SEMA6A: variants seen among roughly 807,000 people sequenced by gnomAD.
SEMA6A encodes the protein semaphorin 6A.
SEMA6A carries 25 observed loss-of-function variants against 96.8 expected under a neutral mutation model. That is an observed-to-expected ratio of 0.26 (90% CI 0.19 to 0.36). SEMA6A has a LOEUF of 0.36. Among genes scored for constraint, SEMA6A ranks in the 10% least tolerant of loss-of-function variants. The pLI is 1.00. For synonymous variants in SEMA6A, 612 were observed against 518.0 expected (o/e 1.18, Z -2.46); for missense variants, 1,363 against 1,323.1 (o/e 1.03, Z -0.47).
chr5:116,449,147 G>A (rs1968362), intron 18 of SEMA6A, among the ~76,000 whole-genome samples: 71,424 of 152,036 alleles, frequency 0.47, 18,072 homozygotes, highest in African/African-American at 0.66. Flanking sequence ...ACACATCACA[G>A]TTGTCAGATC....
At position 116,462,705 on chromosome 5, in the gene SEMA6A, G is replaced by A. The variant is rs75656233; in HGVS notation, c.1894+4878C>T. On this transcript the variant is annotated intron_variant, in intron 18 of 18. Coordinates refer to ENST00000343348, the MANE Select transcript of SEMA6A (RefSeq NM_020796.5). Reference sequence around the variant, plus strand: ...CTTGGTTTTGCAAGCCCAGCCAGGAGAGGGTATAGTGGTCATCAAACCTCA... The same window carrying A: ...CTTGGTTTTGCAAGCCCAGCCAGGAAAGGGTATAGTGGTCATCAAACCTCA... Among the ~76,000 whole-genome samples the A allele has an allele frequency of 2.0e-3, 306 of 152,292 alleles. 1 individual carries two copies. The highest frequency in any genetic ancestry group is 6.4e-3 in the African/African-American group (266 of 41,566).
At chr5:116,534,937 A>G (rs1343031702) in intron 1 of SEMA6A, among the ~76,000 whole-genome samples, 1 of 152,264 alleles carries the variant, frequency 6.6e-6, no homozygotes, top group Non-Finnish European at 1.5e-5. Context: ...AGAAATTCAA[A>G]TTTTAGGTTT....
chr5:116,556,565 T>G (rs963740745), intron 1 of SEMA6A, among the ~76,000 whole-genome samples: 3 of 152,196 alleles, frequency 2.0e-5, no homozygotes, highest in Non-Finnish European at 4.4e-5. Flanking sequence ...TTACAGATGA[T>G]GAATATGAGG....
chr5:116,558,883 T>C (rs254209), intron 1 of SEMA6A, among the ~76,000 whole-genome samples: 100,951 of 152,160 alleles, frequency 0.66, 35,119 homozygotes, highest in East Asian at 0.86. Context: ...CATATAAATA[T>C]GCCCAACATT....
intron 1 of SEMA6A, among the ~76,000 whole-genome samples, chr5:116,549,378 T>C (rs900961188): frequency 4.6e-5 from 7 of 152,148 alleles, no homozygotes; most frequent in Admixed American, 3.3e-4. Flanking sequence ...TTGATCATGC[T>C]TATCTCCTGG....
chr5:116,559,667 C>G (rs1323909000), intron 1 of SEMA6A, among the ~76,000 whole-genome samples: 2 of 152,136 alleles, frequency 1.3e-5, no homozygotes, highest in African/African-American at 4.8e-5. Context: ...CGGTTTATGA[C>G]AGCAGTTAAT....
intron 17 of SEMA6A, chr5:116,469,206 C>T (rs1049125004): frequency 6.6e-6 from 1 of 152,160 alleles, no homozygotes; most frequent in Admixed American, 6.5e-5. Context: ...TTGGCTCTCA[C>T]ACAAGTGGGA....
In SEMA6A at chr5:116,447,210, C is replaced by T; in HGVS notation, c.2496G>A (p.Gln832=). 2 of 1,614,044 alleles carry T rather than the reference C, an allele frequency of 1.2e-6. No homozygotes were observed. Among genetic ancestry groups the T allele is most frequent in the African/African-American group, 2.7e-5 (2 of 75,070 alleles). Residue 832 remains glutamine, a synonymous_variant, in exon 19 of 19, where the codon CAG becomes CAA. Coordinates refer to ENST00000343348, the MANE Select transcript of SEMA6A (RefSeq NM_020796.5). ...TCTGGGCCACCTCGCTCATTTTGGG[C>T]TGGTCCACGTACTCATGCTGGTAGC... ...QQGYQHEYVD[Q]PKMSEVAQMA...
chr5:116,495,266 A>T, intron 6 of SEMA6A, 147 bp downstream of exon 6: 1 of 666,066 alleles, frequency 1.5e-6, no homozygotes, highest in East Asian at 2.7e-5. Flanking sequence ...GCTTAGGATC[A>T]CTCATGTGGA....
At chr5:116,448,755 CAAAAAAAA>C (rs3984966) in intron 18 of SEMA6A, among the ~76,000 whole-genome samples, 4 of 106,544 alleles carry the variant, frequency 3.8e-5, no homozygotes, top group Admixed American at 1.0e-4. Flanking sequence ...CATCACCTCT[CAAAAAAAA>C]AAAAAAAAAA....
intron 18 of SEMA6A, among the ~76,000 whole-genome samples, chr5:116,465,662 G>C (rs1219220704): frequency 6.6e-6 from 1 of 152,180 alleles, no homozygotes; most frequent in South Asian, 2.1e-4. Flanking sequence ...ATGTGTCAAA[G>C]TGTTAAATGG....
rs546416713 is a variant in SEMA6A, at chr5:116,463,966, T to A, written c.1894+3617A>T. ...ACATACCTCATAGACTTCTTGGAAA[T>A]CAGCTTTAAAGTATTGTTACTTTTG... On this transcript the variant is annotated intron_variant, in intron 18 of 18. Coordinates refer to ENST00000343348, the MANE Select transcript of SEMA6A (RefSeq NM_020796.5). 2.0e-5 allele frequency among the ~76,000 whole-genome samples: 3 copies of A among 152,312 alleles called. No individual in the cohort carries two copies. The East Asian group carries it at 5.8e-4, about 29-fold the overall frequency.
At chr5:116,532,743 T>A (rs953666562) in intron 1 of SEMA6A, among the ~76,000 whole-genome samples, 1 of 152,048 alleles carries the variant, frequency 6.6e-6, no homozygotes, top group African/African-American at 2.4e-5. Context: ...AGTAAAGACT[T>A]ATCGGTACTG....
chr5:116,474,463 A>C (rs1756350389), intron 16 of SEMA6A, among the ~76,000 whole-genome samples: 1 of 152,204 alleles, frequency 6.6e-6, no homozygotes, highest in Admixed American at 6.5e-5. Flanking sequence ...CTTATTTATT[A>C]ACTCATCAAT....
At chr5:116,451,175 C>G (rs1187826892) in intron 18 of SEMA6A, among the ~76,000 whole-genome samples, 5 of 152,132 alleles carry the variant, frequency 3.3e-5, no homozygotes. Flanking sequence ...TACTGCCTTA[C>G]TGGATTGTTA....
intron 1 of SEMA6A, among the ~76,000 whole-genome samples, chr5:116,530,354 T>C (rs1257113922): frequency 2.6e-5 from 4 of 152,192 alleles, no homozygotes; most frequent in Admixed American, 6.5e-5. Context: ...TCTTAATTTT[T>C]AATATGTATT....
Position 116,443,624 on chromosome 5 carries a change from CTTTTT to C in SEMA6A, c.*2984_*2988del, listed in dbSNP as rs1332401092. Reference sequence around the variant, plus strand: ...CCTTTTCCTTGCTTTTCTTTTTTCCCTTTTTTTCTTTTCTTTTTTCTTTTCTTACA... The same window carrying C: ...CCTTTTCCTTGCTTTTCTTTTTTCCCTTCTTTTCTTTTTTCTTTTCTTACA... On this transcript the variant is annotated 3_prime_UTR_variant, in exon 19 of 19. Coordinates refer to ENST00000343348, the MANE Select transcript of SEMA6A (RefSeq NM_020796.5). The C allele has an allele frequency of 6.6e-6, 1 of 152,412 alleles. No individual in the cohort carries two copies. The highest frequency in any genetic ancestry group is 1.5e-5 in the Non-Finnish European group (1 of 67,974). 9.4% of individuals were successfully genotyped at this position (152,412 alleles called of 1,614,324 possible). A position where few individuals can be genotyped will look rare whatever the true frequency, so the allele number is the denominator to read the frequency against.
At chr5:116,495,375 T>A in intron 6 of SEMA6A, 38 bp downstream of exon 6, 3 of 1,459,232 alleles carry the variant, frequency 2.1e-6, no homozygotes, top group Non-Finnish European at 2.8e-6. Flanking sequence ...ATGAAATGCC[T>A]CCTGGCAGTG....
chr5:116,478,244 A>C, intron 13 of SEMA6A, 90 bp from the exon 14 acceptor site: 1 of 1,430,894 alleles, frequency 7.0e-7, no homozygotes, highest in Admixed American at 2.2e-5. Context: ...CCCACAAGGC[A>C]ATCTCTTAAT....
Sources: gnomAD v4.1 joint callset for allele counts (sites outside exome capture counted in the v4.1 genomes callset) on GRCh38, gnomAD v4.1.1 for gene constraint, MANE v1.5 for transcripts, NCBI Gene and HGNC (gene_info 2026-07-23, HGNC 2026-07-21) for gene names.